The following TRAPPC8 variants were observed in gnomAD, a reference collection of about 807,000 sequenced individuals.
TRAPPC8 encodes trafficking protein particle complex subunit 8.
TRAPPC8 carries 54 observed loss-of-function variants against 174.3 expected under a neutral mutation model. The ratio of observed to expected loss-of-function variants is 0.31; its 90% CI spans 0.25 to 0.39. The LOEUF is 0.39. Among genes scored for constraint, TRAPPC8 ranks in the 10% least tolerant of loss-of-function variants. The pLI is 1.00. For missense variants in TRAPPC8, 1,531 were observed against 1,699.1 expected, an observed-to-expected ratio of 0.90 and a Z score of 1.74; for synonymous variants, 630 against 579.9, an observed-to-expected ratio of 1.09 and a Z score of -1.24.
At chr18:31,924,296 A>C (rs1249244489) in intron 2 of TRAPPC8, among the ~76,000 whole-genome samples, 1 of 150,744 alleles carries the variant, frequency 6.6e-6, no homozygotes, top group Non-Finnish European at 1.5e-5. Context: ...AAAAAAAAAA[A>C]TACAAAAATT....
At position 31,843,201 on chromosome 18, in the gene TRAPPC8, A is replaced by G. The variant is rs73409475; in HGVS notation, c.3837+3515T>C. 7.4e-3 allele frequency among the ~76,000 whole-genome samples: 1,131 copies of G among 152,290 alleles called. 16 individuals carry two copies. The highest frequency in any genetic ancestry group is 0.026 in the African/African-American group (1,088 of 41,568). ...ATATTTAAAAATAACAAGAGAAATT[A>G]TAATTCCTTTCTTTTTATAACAACC... On this transcript the variant is annotated intron_variant, in intron 26 of 28. Transcript: ENST00000283351.
Position 31,897,839 on chromosome 18 carries a change from T to C in TRAPPC8, c.1543A>G (p.Ser515Gly). ...CVLLSAELLKSQSKYSEAAAL... is the reference protein window; with the variant it reads ...CVLLSAELLKGQSKYSEAAAL... ...GCAGCCTCTGAATATTTGCTTTGGC[T>C]TTTTAAAAGTTCAGCACTAAGCAAC... The change falls in exon 11 of 29, where the codon AGC becomes GGC. Residue 515 changes from serine to glycine, a missense_variant. Transcript: ENST00000283351. The C allele has an allele frequency of 6.2e-7, 1 of 1,611,736 alleles. No homozygotes were observed. Among genetic ancestry groups the C allele is most frequent in the Non-Finnish European group, 8.5e-7 (1 of 1,178,534 alleles).
chr18:31,855,739 C>T lies in TRAPPC8; in HGVS notation c.3257G>A (p.Cys1086Tyr), dbSNP rs201669717. ...SRSLNVRATV[C>Y]RSNSLENEEG... ...TTCATTTTCAAGAGAATTACTTCTG[C>T]AGACAGTGGCCCGTACATTTAAAGA... The change falls in exon 21 of 29, where the codon TGC becomes TAC. Residue 1086 changes from cysteine (C) to tyrosine (Y), a missense_variant. By Grantham distance (194) the Cys-to-Tyr change is radical. Transcript: ENST00000283351. The T allele has an allele frequency of 1.7e-5, 27 of 1,611,510 alleles. No homozygotes were observed. The highest frequency in any genetic ancestry group is 3.4e-5 in the Admixed American group (2 of 59,570).
At chr18:31,841,786 C>T (rs532888554) in intron 26 of TRAPPC8, among the ~76,000 whole-genome samples, 34 of 152,280 alleles carry the variant, frequency 2.2e-4, no homozygotes, top group East Asian at 2.1e-3. Flanking sequence ...TACCAAATAC[C>T]TTATGAATGG....
intron 2 of TRAPPC8, among the ~76,000 whole-genome samples, chr18:31,918,805 T>C (rs1180057797): frequency 6.6e-6 from 1 of 152,234 alleles, no homozygotes; most frequent in African/African-American, 2.4e-5. Context: ...ACATCAAGTA[T>C]TTTGTATCAC....
At chr18:31,873,340 C>T in intron 14 of TRAPPC8, 90 bp downstream of exon 14, 1 of 1,094,102 alleles carries the variant, frequency 9.1e-7, no homozygotes, top group Non-Finnish European at 1.3e-6. Flanking sequence ...TTCAAATATT[C>T]AACTATACAT....
chr18:31,928,323 G>A (rs916995941), intron 2 of TRAPPC8, among the ~76,000 whole-genome samples: 9 of 146,556 alleles, frequency 6.1e-5, no homozygotes, highest in African/African-American at 2.0e-4. Flanking sequence ...TAAACACAGC[G>A]AGACCTTATC....
At chr18:31,922,615 A>G (rs1321507533) in intron 2 of TRAPPC8, among the ~76,000 whole-genome samples, 1 of 152,078 alleles carries the variant, frequency 6.6e-6, no homozygotes, top group Non-Finnish European at 1.5e-5. Context: ...ACAAAAAACA[A>G]AAAATTTTCT....
chr18:31,858,678 A>C (rs1241074375), intron 19 of TRAPPC8, among the ~76,000 whole-genome samples: 2 of 152,246 alleles, frequency 1.3e-5, no homozygotes, highest in Non-Finnish European at 2.9e-5. Flanking sequence ...TTTTAAATTG[A>C]TTTCCAACAC....
intron 9 of TRAPPC8, among the ~76,000 whole-genome samples, chr18:31,907,118 G>GT (rs1484032970): frequency 6.6e-6 from 1 of 152,016 alleles, no homozygotes; most frequent in Non-Finnish European, 1.5e-5. Flanking sequence ...TAATTACCTA[G>GT]TTTTTTGGGT....
chr18:31,889,601 T>C (rs374422106), intron 12 of TRAPPC8, among the ~76,000 whole-genome samples: 1 of 149,778 alleles, frequency 6.7e-6, no homozygotes, highest in Non-Finnish European at 1.5e-5. Flanking sequence ...AGAAAAGCCA[T>C]GAAAAGTAGT....
At chr18:31,831,748 G>A (rs541164119) in intron 28 of TRAPPC8, among the ~76,000 whole-genome samples, 2 of 152,128 alleles carry the variant, frequency 1.3e-5, no homozygotes, top group South Asian at 4.2e-4. Context: ...ATCCTGTTTG[G>A]GGTGTTATAC....
At position 31,847,302 on chromosome 18, in the gene TRAPPC8, CT is replaced by C. The variant is rs555598926; in HGVS notation, c.3736-486del. Among the ~76,000 whole-genome samples, 1,109 of 152,176 alleles carry C rather than the reference CT, an allele frequency of 7.3e-3. 8 individuals are homozygous for C. The highest frequency in any genetic ancestry group is 0.025 in the African/African-American group (1,026 of 41,512). ...ATAAATACATATGCTTTAAAAAAGG[CT>C]TTTTTCTTCCAATATAGTGAGCTGA... On this transcript the variant is annotated intron_variant, in intron 25 of 28. Transcript: ENST00000283351.
chr18:31,875,901 C>T (rs553161152), intron 12 of TRAPPC8, among the ~76,000 whole-genome samples: 22 of 152,000 alleles, frequency 1.4e-4, no homozygotes, highest in Non-Finnish European at 2.5e-4. Flanking sequence ...TGGTGGTTAC[C>T]AAAGGCCAGG....
intron 10 of TRAPPC8, 91 bp downstream of exon 10, chr18:31,900,834 T>C: frequency 1.0e-6 from 1 of 969,538 alleles, no homozygotes; most frequent in Non-Finnish European, 1.5e-6. Context: ...TATATTAACT[T>C]GATTTGGGAG....
intron 19 of TRAPPC8, among the ~76,000 whole-genome samples, chr18:31,859,858 A>T (rs551805917): frequency 1.3e-5 from 2 of 152,266 alleles, no homozygotes; most frequent in Non-Finnish European, 2.9e-5. Flanking sequence ...TCTACTAAAA[A>T]TACAAAAATT....
intron 12 of TRAPPC8, 63 bp downstream of exon 12, chr18:31,890,672 G>A: frequency 6.5e-7 from 1 of 1,533,644 alleles, no homozygotes; most frequent in Non-Finnish European, 8.8e-7. Context: ...TAATAAAAAT[G>A]GACAAATGAC....
At position 31,909,600 on chromosome 18, in the gene TRAPPC8, T is replaced by G. The variant is rs1185133854; in HGVS notation, c.865+67A>C. On this transcript the variant is annotated intron_variant, in intron 6 of 28. Coordinates refer to ENST00000283351, the MANE Select transcript of TRAPPC8 (RefSeq NM_014939.5). ...TTCCCCCATCTTTTATCTATAAAGG[T>G]TAGCATGATCTGACAACAGTGCATA... 7 of 1,551,656 alleles carry G rather than the reference T, an allele frequency of 4.5e-6. No individual in the cohort carries two copies. The African/African-American group carries it at 9.8e-5, about 22-fold the overall frequency.
intron 11 of TRAPPC8, among the ~76,000 whole-genome samples, chr18:31,892,211 G>C (rs1399211397): frequency 1.3e-5 from 2 of 152,184 alleles, no homozygotes; most frequent in African/African-American, 4.8e-5. Flanking sequence ...TCATTTGCCA[G>C]AGTAACTATT....
Sources: gnomAD v4.1 joint callset for allele counts (sites outside exome capture counted in the v4.1 genomes callset) on GRCh38, gnomAD v4.1.1 for gene constraint, MANE v1.5 for transcripts, NCBI Gene and HGNC (gene_info 2026-07-23, HGNC 2026-07-21) for gene names.